WDFY3: variants seen among roughly 807,000 people sequenced by gnomAD.
WDFY3 encodes the protein WD repeat and FYVE domain containing 3.
In WDFY3, 66 loss-of-function variants were observed where a neutral mutation model predicts 409.6. The observed-to-expected ratio is 0.16, with a 90% CI of 0.13 to 0.20. WDFY3 has a LOEUF of 0.20. Among genes scored for constraint, WDFY3 ranks in the 10% least tolerant of loss-of-function variants. The probability of loss-of-function intolerance (pLI) is 1.00; values close to 1 mark genes in which losing one functional copy is unlikely to be tolerated. For synonymous variants in WDFY3, 1,521 were observed against 1,537.1 expected (o/e 0.99, Z 0.25); for missense variants, 3,031 against 4,298.1 (o/e 0.71, Z 8.24).
At chr4:84,824,273 C>CACA (rs1754514590) in intron 10 of WDFY3, among the ~76,000 whole-genome samples, 1 of 152,144 alleles carries the variant, frequency 6.6e-6, no homozygotes, top group Non-Finnish European at 1.5e-5. Flanking sequence ...CACACATTTA[C>CACA]ATAACTTTTA....
intron 3 of WDFY3, among the ~76,000 whole-genome samples, chr4:84,872,176 T>G (rs148127249): frequency 1.1e-4 from 16 of 152,042 alleles, no homozygotes; most frequent in African/African-American, 3.9e-4. Context: ...ACCATTAAGT[T>G]TAATATGCTG....
chr4:84,880,674 C>CACACACATATAT (rs1218696740), intron 3 of WDFY3, among the ~76,000 whole-genome samples: 2 of 50,356 alleles, frequency 4.0e-5, no homozygotes, highest in Non-Finnish European at 6.7e-5. Flanking sequence ...GGGAACCATA[C>CACACACATATAT]ATATATATAT....
intron 37 of WDFY3, 74 bp from the exon 38 acceptor site, chr4:84,741,995 A>T (rs1393479938): frequency 1.4e-6 from 2 of 1,387,874 alleles, no homozygotes; most frequent in East Asian, 2.5e-5. Context: ...CAAAAAAAAA[A>T]TCAGGCTAAG....
intron 1 of WDFY3, among the ~76,000 whole-genome samples, chr4:84,953,883 A>C (rs1248467354): frequency 2.0e-5 from 3 of 152,178 alleles, no homozygotes; most frequent in East Asian, 3.8e-4. Context: ...ATCAAAGATC[A>C]TATCTTAGGG....
chr4:84,802,427 T>C (rs1750758429), intron 16 of WDFY3, among the ~76,000 whole-genome samples: 1 of 151,916 alleles, frequency 6.6e-6, no homozygotes, highest in African/African-American at 2.4e-5. Flanking sequence ...GCCAGGCTAA[T>C]TTTTTGCATT....
At chr4:84,882,014 T>C (rs567210238) in intron 3 of WDFY3, among the ~76,000 whole-genome samples, 1 of 152,332 alleles carries the variant, frequency 6.6e-6, no homozygotes, top group Non-Finnish European at 1.5e-5. Context: ...CATGCAATCT[T>C]CAAAACATTG....
intron 5 of WDFY3, among the ~76,000 whole-genome samples, chr4:84,842,453 G>A (rs969946120): frequency 6.6e-6 from 1 of 151,578 alleles, no homozygotes; most frequent in Non-Finnish European, 1.5e-5. Context: ...CTCCAGCCTG[G>A]GCAACAGAGT....
intron 15 of WDFY3, among the ~76,000 whole-genome samples, chr4:84,805,923 T>C (rs1751427379): frequency 6.6e-6 from 1 of 152,190 alleles, no homozygotes; most frequent in Non-Finnish European, 1.5e-5. Flanking sequence ...ATGAAAAAGG[T>C]TTTGAGTTTT....
rs1426428101 is a variant in WDFY3 at position 84,670,744 on chromosome 4, G to A, written c.*2124C>T. On this transcript the variant is annotated 3_prime_UTR_variant, in exon 68 of 68. Transcript: ENST00000295888. ...AAAAGGAGGACGCTTCTTTTAAAAAGTGTAGAATAACACTGCTACAAATCA... is the reference window on the plus strand; with the variant it reads ...AAAAGGAGGACGCTTCTTTTAAAAAATGTAGAATAACACTGCTACAAATCA... 1 of 152,620 alleles carries A rather than the reference G, an allele frequency of 6.6e-6. No homozygotes were observed. The highest frequency in any genetic ancestry group is 1.5e-5 in the Non-Finnish European group (1 of 68,040). 9.5% of individuals were successfully genotyped at this position (152,620 alleles called of 1,614,324 possible). A position where few individuals can be genotyped will look rare whatever the true frequency, so the allele number is the denominator to read the frequency against.
intron 2 of WDFY3, among the ~76,000 whole-genome samples, chr4:84,924,463 C>T (rs1227512906): frequency 6.6e-6 from 1 of 152,192 alleles, no homozygotes; most frequent in Non-Finnish European, 1.5e-5. Context: ...ATGCCAAGTA[C>T]CTACCATATG....
rs1455774984 is a variant in WDFY3 at position 84,778,638 on chromosome 4, A to G, written c.4383T>C (p.Leu1461=). 1 of 1,607,444 alleles carries G rather than the reference A, an allele frequency of 6.2e-7. No individual in the cohort carries two copies. The highest frequency in any genetic ancestry group is 1.3e-5 in the African/African-American group (1 of 74,460). Reference sequence around the variant, plus strand: ...TGTTAAGAAGGGAACGTTTCTTCTTAAGCAACATTGCCAGCAACTACAAGA... The same window carrying G: ...TGTTAAGAAGGGAACGTTTCTTCTTGAGCAACATTGCCAGCAACTACAAGA... ...IKGYQLLAML[L]KKKRSLLNSH... Residue 1461 remains leucine (L), a synonymous_variant, in exon 27 of 68, where the codon CTT becomes CTC. Transcript: ENST00000295888.
intron 1 of WDFY3, among the ~76,000 whole-genome samples, chr4:84,951,794 G>C (rs543163134): frequency 6.6e-6 from 1 of 152,170 alleles, no homozygotes; most frequent in African/African-American, 2.4e-5. Flanking sequence ...CATCAGGATA[G>C]GCAAAGCCAC....
chr4:84,875,033 T>C (rs1385039473), intron 3 of WDFY3, among the ~76,000 whole-genome samples: 3 of 151,460 alleles, frequency 2.0e-5, no homozygotes, highest in Non-Finnish European at 4.4e-5. Flanking sequence ...ACTTTGGGAG[T>C]CCGAGGCGGG....
intron 1 of WDFY3, among the ~76,000 whole-genome samples, chr4:84,941,261 A>C (rs1042860575): frequency 7.9e-5 from 12 of 152,104 alleles, no homozygotes; most frequent in African/African-American, 2.9e-4. Context: ...TAAGTTAATA[A>C]GGGAACTTGG....
At chr4:84,685,374 T>C (rs1448623028) in intron 62 of WDFY3, among the ~76,000 whole-genome samples, 1 of 152,184 alleles carries the variant, frequency 6.6e-6, no homozygotes, top group Non-Finnish European at 1.5e-5. Flanking sequence ...TCCCACCCCC[T>C]AGCTCTTCTT....
chr4:84,680,249 T>C (rs1390502765), intron 64 of WDFY3, among the ~76,000 whole-genome samples: 8 of 152,122 alleles, frequency 5.3e-5, no homozygotes, highest in Non-Finnish European at 8.8e-5. Flanking sequence ...TAGTGGTTAA[T>C]GACTCAAAGA....
chr4:84,676,336 T>C (rs546853693), intron 67 of WDFY3, among the ~76,000 whole-genome samples: 2 of 152,178 alleles, frequency 1.3e-5, no homozygotes, highest in African/African-American at 2.4e-5. Flanking sequence ...AGCTATCAGA[T>C]TGGCAAAAGT....
At chr4:84,912,919 G>GA (rs1767985456) in intron 2 of WDFY3, among the ~76,000 whole-genome samples, 1 of 152,082 alleles carries the variant, frequency 6.6e-6, no homozygotes, top group African/African-American at 2.4e-5. Flanking sequence ...GTCTTGAAGG[G>GA]AAAAGGTAAA....
chr4:84,795,274 C>T (rs1749197297), intron 19 of WDFY3, among the ~76,000 whole-genome samples: 1 of 152,144 alleles, frequency 6.6e-6, no homozygotes, highest in Non-Finnish European at 1.5e-5. Flanking sequence ...GACATTAGAA[C>T]AATTTCATCA....
Sources: allele counts gnomAD v4.1 joint callset (sites outside exome capture counted in the v4.1 genomes callset), GRCh38; gene constraint gnomAD v4.1.1; transcripts MANE v1.5; gene names NCBI Gene and HGNC (gene_info 2026-07-23, HGNC 2026-07-21).